DAPK2: variants seen among roughly 807,000 people sequenced by gnomAD.
DAPK2 encodes the protein death associated protein kinase 2.
In DAPK2, 35 loss-of-function variants were observed where a neutral mutation model predicts 44.1. The observed-to-expected ratio is 0.79, with a 90% CI of 0.61 to 1.05. The LOEUF is 1.05. Among genes scored for constraint, DAPK2 ranks in the 50% least tolerant of loss-of-function variants. The pLI is 0.00. For missense variants in DAPK2, 453 were observed against 483.2 expected, an observed-to-expected ratio of 0.94 and a Z score of 0.59; for synonymous variants, 174 against 182.6, an observed-to-expected ratio of 0.95 and a Z score of 0.38.
chr15:63,925,680 A>ACG (rs1567206838), intron 7 of DAPK2, among the ~76,000 whole-genome samples: 4 of 70,580 alleles, frequency 5.7e-5, no homozygotes, highest in African/African-American at 1.4e-4. Context: ...CTTGTAGCGC[A>ACG]CACACACACA....
At position 63,980,111 on chromosome 15, in the gene DAPK2, G is replaced by T. The variant is rs2078461375; in HGVS notation, c.314+3422C>A. Among the ~76,000 whole-genome samples the T allele has an allele frequency of 6.6e-6, 1 of 152,178 alleles. No homozygotes were observed. Among genetic ancestry groups the T allele is most frequent in the South Asian group, 2.1e-4 (1 of 4,818 alleles). Reference sequence around the variant, plus strand: ...CAGCTTGGAAGTGAAGGGGGAGACAGAAACGGGACAGAACTTAATAAGCAC... The same window carrying T: ...CAGCTTGGAAGTGAAGGGGGAGACATAAACGGGACAGAACTTAATAAGCAC... On this transcript the variant is annotated intron_variant, in intron 2 of 10. Transcript: ENST00000261891. This position sits in a 1 kb window ranked among gnomAD's most constrained non-coding sequence, Gnocchi z 4.3.
chr15:63,924,808 G>C lies in DAPK2; in HGVS notation c.858+8C>G. 2 of 1,614,142 alleles carry C rather than the reference G, an allele frequency of 1.2e-6. No homozygotes were observed. Among genetic ancestry groups the C allele is most frequent in the Admixed American group, 1.7e-5 (1 of 60,028 alleles). On this transcript the variant is annotated splice_region_variant and intron_variant, in intron 8 of 10. Coordinates refer to ENST00000261891, the Ensembl canonical transcript of DAPK2. ...TTTGCCCATTGGAACTCATGGCTGT[G>C]CCCTTACCGTGATCCAGGGGTGTCT...
chr15:63,996,364 G>A (rs1239227814), intron 1 of DAPK2, among the ~76,000 whole-genome samples: 2 of 152,210 alleles, frequency 1.3e-5, no homozygotes, highest in African/African-American at 2.4e-5. Context: ...GATCATTTCA[G>A]CTTAGGAACA....
intron 1 of DAPK2, among the ~76,000 whole-genome samples, chr15:64,030,805 CA>C (rs2079989497): frequency 6.6e-6 from 1 of 151,984 alleles, no homozygotes; most frequent in Non-Finnish European, 1.5e-5. Flanking sequence ...CCCGTCTCTA[CA>C]AAAAATTTTA....
chr15:64,004,171 G>T (rs1049461539), intron 1 of DAPK2, among the ~76,000 whole-genome samples: 4 of 151,700 alleles, frequency 2.6e-5, no homozygotes, highest in African/African-American at 9.7e-5. Context: ...TAAATACCAG[G>T]TCTTTTGACC....
At chr15:63,973,719 C>A (rs1435819543) in intron 2 of DAPK2, among the ~76,000 whole-genome samples, 1 of 152,132 alleles carries the variant, frequency 6.6e-6, no homozygotes, top group Admixed American at 6.6e-5. Context: ...ATGTATTTTA[C>A]ATTTGAAAAG....
intron 1 of DAPK2, among the ~76,000 whole-genome samples, chr15:64,012,646 C>T (rs1461360268): frequency 6.6e-6 from 1 of 152,208 alleles, no homozygotes; most frequent in African/African-American, 2.4e-5. Flanking sequence ...GAACAACATT[C>T]TGATCCCATC....
chr15:63,979,881 C>G (rs1330597071), intron 2 of DAPK2, among the ~76,000 whole-genome samples: 1 of 152,160 alleles, frequency 6.6e-6, no homozygotes, highest in Non-Finnish European at 1.5e-5. Context: ...CGCCACTGCA[C>G]TCCAGCCTGG....
chr15:63,964,337 A>G (rs2077992605), intron 3 of DAPK2, among the ~76,000 whole-genome samples: 1 of 151,966 alleles, frequency 6.6e-6, no homozygotes, highest in Non-Finnish European at 1.5e-5. Flanking sequence ...GTTTCATCGT[A>G]TGTTGTTTCT....
intron 3 of DAPK2, among the ~76,000 whole-genome samples, chr15:63,941,288 C>T (rs2077299455): frequency 6.6e-6 from 1 of 152,204 alleles, no homozygotes; most frequent in Admixed American, 6.5e-5. Context: ...AGGAGTGAGC[C>T]CCACCCCGCT....
chr15:63,981,729 T>C (rs546953468), intron 2 of DAPK2, among the ~76,000 whole-genome samples: 137 of 152,070 alleles, frequency 9.0e-4, no homozygotes, highest in African/African-American at 3.0e-3. Flanking sequence ...CACTTGTCAC[T>C]CTCTGCTGGG....
rs66904607 is a variant in DAPK2 at position 63,925,676 on chromosome 15, GCGCA to G, written c.812+261_812+264del. Among the ~76,000 whole-genome samples, 2 of 51,324 alleles carry G rather than the reference GCGCA, an allele frequency of 3.9e-5. 1 individual carries two copies. The highest frequency in any genetic ancestry group is 1.2e-4 in the African/African-American group (2 of 16,734). 33.7% of individuals were successfully genotyped at this position (51,324 alleles called of 152,430 possible). A position where few individuals can be genotyped will look rare whatever the true frequency, so the allele number is the denominator to read the frequency against. The stretch of plus-strand genomic sequence containing the variant: ...CTAAAGAAACCCAGGCTGACTTGTA[GCGCA>G]CACACACACACACACACACACACAC... On this transcript the variant is annotated intron_variant, in intron 7 of 10. Coordinates refer to ENST00000261891, the Ensembl canonical transcript of DAPK2.
chr15:63,988,931 G>C (rs558725908), intron 1 of DAPK2, among the ~76,000 whole-genome samples: 20 of 152,058 alleles, frequency 1.3e-4, no homozygotes, highest in Admixed American at 3.3e-4. Flanking sequence ...TGTCATCCCA[G>C]TGCTTTGGGA....
At chr15:63,951,842 TCATTCATTCACC>T (rs1263717721) in intron 3 of DAPK2, among the ~76,000 whole-genome samples, 2 of 152,234 alleles carry the variant, frequency 1.3e-5, no homozygotes, top group Non-Finnish European at 2.9e-5. Flanking sequence ...ACGCATTCAC[TCATTCATTCACC>T]CATTCACTCA....
intron 3 of DAPK2, among the ~76,000 whole-genome samples, chr15:63,948,510 C>T (rs974608378): frequency 5.9e-5 from 9 of 152,162 alleles, no homozygotes; most frequent in South Asian, 2.1e-4. Flanking sequence ...ATCATGAGAA[C>T]AGCACCAAGG....
Position 63,916,061 on chromosome 15 carries a change from C to A in DAPK2, c.859-3864G>T, listed in dbSNP as rs12909081. ...TGGTCCATCCGTGATACCAGGGAGC[C>A]CTGGGTGATTCTGACCAGGCTCCTA... is the stretch of plus-strand genomic sequence containing the variant. On this transcript the variant is annotated intron_variant, in intron 8 of 10. Coordinates refer to ENST00000261891, the Ensembl canonical transcript of DAPK2. The surrounding 1 kb of genome is among the most constrained non-coding windows in gnomAD (Gnocchi z 4.7). 66,632 of 151,938 alleles carry A rather than the reference C, an allele frequency of 0.44. 17,030 individuals carry two copies. The highest frequency in any genetic ancestry group is 0.93 in the East Asian group (4,827 of 5,164). The allele number at this position is 151,938 out of a possible 1,614,324, so 9.4% of individuals were successfully genotyped here.
intron 5 of DAPK2, chr15:63,929,891 G>T (rs987065655): frequency 7.5e-6 from 4 of 534,276 alleles, no homozygotes; most frequent in Non-Finnish European, 1.1e-5. Flanking sequence ...TGAGGATAAT[G>T]ATAACTACCT....
intron 2 of DAPK2, among the ~76,000 whole-genome samples, chr15:63,974,854 T>C (rs770476808): frequency 3.9e-5 from 6 of 152,206 alleles, no homozygotes; most frequent in Non-Finnish European, 7.4e-5. Flanking sequence ...TGTGATGTTA[T>C]AGTAGAGTCA....
At chr15:63,929,251 T>C (rs1178084906) in intron 6 of DAPK2, among the ~76,000 whole-genome samples, 1 of 149,818 alleles carries the variant, frequency 6.7e-6, no homozygotes, top group Non-Finnish European at 1.5e-5. Context: ...CCAGTATACC[T>C]CAGTCTGGGG....
Sources: allele counts gnomAD v4.1 joint callset (sites outside exome capture counted in the v4.1 genomes callset), GRCh38; gene constraint gnomAD v4.1.1; non-coding constraint Gnocchi (gnomAD v3.1); transcripts MANE v1.5; gene names NCBI Gene and HGNC (gene_info 2026-07-23, HGNC 2026-07-21).